Variants in COL16A1 observed in about 807,000 individuals in gnomAD.
COL16A1 encodes the protein collagen alpha-1(XVI) chain.
COL16A1 carries 189 observed loss-of-function variants against 266.3 expected under a neutral mutation model. The observed-to-expected ratio is 0.71, with a 90% confidence interval of 0.63 to 0.80. The LOEUF is 0.80. Among genes scored for constraint, COL16A1 ranks in the 30% least tolerant of loss-of-function variants. The probability of loss-of-function intolerance (pLI) is 0.00; values close to 1 mark genes in which losing one functional copy is unlikely to be tolerated. For synonymous variants in COL16A1, 740 were observed against 782.3 expected (o/e 0.95, Z 0.90); for missense variants, 1,928 against 2,122.4 (o/e 0.91, Z 1.80).
Position 31,681,014 on chromosome 1 carries a change from T to G in COL16A1, c.2583+9A>C, listed in dbSNP as rs766352731. 4 of 1,613,726 alleles carry G rather than the reference T, an allele frequency of 2.5e-6. No individual in the cohort carries two copies. In the African/African-American group the frequency reaches 5.3e-5, roughly 22 times the overall value. ...ATGGCTTCCTGCTGCCCCAAGGCAC[T>G]GTACTCACTGGTGTTCCTCTGAGTC... On this transcript the variant is annotated intron_variant, in intron 38 of 70. Transcript: ENST00000373672.
Position 31,675,305 on chromosome 1 carries a change from G to A in COL16A1, c.2779C>T (p.Pro927Ser), listed in dbSNP as rs563113666. ...PPGVPGLQGV[P>S]GNNGLPGQPG... is the part of the protein sequence containing the mutation. ...TGTCCTGGCAAACCGTTGTTTCCAG[G>A]CACTCCCTGTAGCCAAGAAGAGACA... The change falls in exon 43 of 71, where the codon CCT (proline) becomes TCT (serine). Residue 927 changes from proline (P) to serine (S), a missense_variant. Physicochemically the swap from Pro to Ser is moderately conservative, Grantham distance 74 (BLOSUM62 -1). Around this residue, in one of 2 missense-constraint regions of COL16A1, gnomAD observed 1,552 missense variants for 1,637.2 expected, o/e 0.95. Transcript: ENST00000373672. 66 of 1,613,804 alleles carry A rather than the reference G, an allele frequency of 4.1e-5. No homozygotes were observed. The highest frequency in any genetic ancestry group is 5.2e-5 in the Non-Finnish European group (61 of 1,179,962).
At chr1:31,692,923 G>A (rs1429698674) in intron 13 of COL16A1, 115 bp from the exon 14 acceptor site, 6 of 1,110,676 alleles carry the variant, frequency 5.4e-6, no homozygotes, top group African/African-American at 4.7e-5. Context: ...TAGAAAAGGG[G>A]GGCTTCTACA....
chr1:31,702,025 G>T, intron 2 of COL16A1, 96 bp downstream of exon 2: 1 of 1,585,530 alleles, frequency 6.3e-7, no homozygotes, highest in South Asian at 1.1e-5. Context: ...CTGCCCACAC[G>T]ACCACACATA....
chr1:31,655,295 T>C lies in COL16A1; in HGVS notation c.4290+19A>G, dbSNP rs1641028337. On this transcript the variant is annotated intron_variant, in intron 67 of 70. Transcript: ENST00000373672. ...TGCTCTATGGGACAGTGCCCACAGCTGCCAGCCTTCCCCCTTACCATGGAG... is the reference window on the plus strand; with the variant it reads ...TGCTCTATGGGACAGTGCCCACAGCCGCCAGCCTTCCCCCTTACCATGGAG... 1.2e-6 allele frequency: 2 copies of C among 1,608,016 alleles called. No individual in the cohort carries two copies. Among genetic ancestry groups the C allele is most frequent in the Non-Finnish European group, 1.7e-6 (2 of 1,177,074 alleles).
rs746236347 is a variant in COL16A1 at position 31,688,936 on chromosome 1, C to G, written c.1692G>C (p.Gly564=). ...CTGTGGAGGACACAAGATGCTGGGCCCCTACAACCGAGCTGCAGGACAAGC... is the reference window on the plus strand; with the variant it reads ...CTGTGGAGGACACAAGATGCTGGGCGCCTACAACCGAGCTGCAGGACAAGC... ...EPCLSCSSVV[G]AQHLVSSTGA... is the part of the protein sequence containing the mutation. Residue 564 remains glycine, a synonymous_variant, in exon 25 of 71, where the codon GGG becomes GGC. Coordinates refer to ENST00000373672, the MANE Select transcript of COL16A1 (RefSeq NM_001856.4). This position sits in a 1 kb window ranked among gnomAD's most constrained non-coding sequence, Gnocchi z 4.9. 6.2e-7 allele frequency: 1 copy of G among 1,614,148 alleles called. No homozygotes were observed. The highest frequency in any genetic ancestry group is 8.5e-7 in the Non-Finnish European group (1 of 1,180,020).
chr1:31,655,895 A>G (rs1279268905), intron 66 of COL16A1: 1 of 281,082 alleles, frequency 3.6e-6, no homozygotes, highest in African/African-American at 2.3e-5. Context: ...CCTTCCCCTC[A>G]TCTCTCTCTA....
intron 4 of COL16A1, 116 bp downstream of exon 4, chr1:31,699,697 G>A: frequency 2.8e-6 from 2 of 726,358 alleles, no homozygotes; most frequent in South Asian, 3.3e-5. Context: ...TCCTGGCAGG[G>A]GCTGGGATGC....
chr1:31,699,570 G>A (rs1449194915), intron 4 of COL16A1, among the ~76,000 whole-genome samples: 2 of 152,218 alleles, frequency 1.3e-5, no homozygotes, highest in Non-Finnish European at 2.9e-5. Context: ...GTGCCCACAG[G>A]ATGCAGACCT....
At chr1:31,666,114 C>T (rs929905910) in intron 52 of COL16A1, 33 bp from the exon 53 acceptor site, 3 of 1,598,036 alleles carry the variant, frequency 1.9e-6, no homozygotes, top group Middle Eastern at 1.7e-4. Context: ...TCAGTCACTC[C>T]TCCTGGGGAG....
At chr1:31,700,208 A>G in intron 2 of COL16A1, 93 bp from the exon 3 acceptor site, 1 of 1,147,460 alleles carries the variant, frequency 8.7e-7, no homozygotes, top group Admixed American at 1.8e-5. Context: ...GAGCAAGTTT[A>G]TAGTCCTCAC....
chr1:31,692,380 C>A, intron 16 of COL16A1, 94 bp downstream of exon 16: 3 of 1,506,106 alleles, frequency 2.0e-6, no homozygotes, highest in Non-Finnish European at 2.7e-6. Context: ...CCCACTGACA[C>A]CCTCTCCTCA....
At chr1:31,672,905 GA>G in intron 44 of COL16A1, 65 bp from the exon 45 acceptor site, 1 of 1,468,098 alleles carries the variant, frequency 6.8e-7, no homozygotes, top group Non-Finnish European at 9.4e-7. Flanking sequence ...GCCAACTGGG[GA>G]GCCCCAGTGA....
At position 31,688,863 on chromosome 1, in the gene COL16A1, G is replaced by A; in HGVS notation, c.1765C>T (p.Pro589Ser). 2.5e-6 allele frequency: 4 copies of A among 1,613,332 alleles called. No homozygotes were observed. Among genetic ancestry groups the A allele is most frequent in the Non-Finnish European group, 3.4e-6 (4 of 1,179,586 alleles). Reference protein sequence around the residue: ...GSPGFGLPGLPGRAGVPGLKG... With the variant: ...GSPGFGLPGLSGRAGVPGLKG... Reference sequence around the variant, plus strand: ...GCTGGGAGAAAGTCGTCACTCACCGGAAGGCCAGGCAGACCAAAGCCAGGG... The same window carrying A: ...GCTGGGAGAAAGTCGTCACTCACCGAAAGGCCAGGCAGACCAAAGCCAGGG... The change falls in exon 25 of 71, where the codon CCG (proline) becomes TCG (serine). Residue 589 changes from proline to serine, a missense_variant and splice_region_variant. Pro to Ser is a moderately conservative substitution (Grantham distance 74). Coordinates refer to ENST00000373672, the MANE Select transcript of COL16A1 (RefSeq NM_001856.4). The surrounding 1 kb of genome is among the most constrained non-coding windows in gnomAD (Gnocchi z 4.9).
In COL16A1 at chr1:31,670,539, G is replaced by C; in HGVS notation, c.3195+63C>G. ...TGAAGGCACGACAGGAGGGAGACAA[G>C]CAAAAGCCACAGAGACCTGGCTGAC... is the stretch of plus-strand genomic sequence containing the variant. On this transcript the variant is annotated intron_variant, in intron 49 of 70. Coordinates refer to ENST00000373672, the MANE Select transcript of COL16A1 (RefSeq NM_001856.4). This position sits in a 1 kb window ranked among gnomAD's most constrained non-coding sequence, Gnocchi z 4.5. 7.5e-7 allele frequency: 1 copy of C among 1,329,338 alleles called. No homozygotes were observed. Among genetic ancestry groups the C allele is most frequent in the African/African-American group, 1.5e-5 (1 of 65,092 alleles). The allele number at this position is 1,329,338 out of a possible 1,614,324, so 82.3% of individuals were successfully genotyped here. A position where few individuals can be genotyped will look rare whatever the true frequency, so the allele number is the denominator to read the frequency against.
Position 31,693,166 on chromosome 1 carries a change from ACCAGAAT to A in COL16A1, c.1009-19_1009-13del. 1 of 1,590,642 alleles carries A rather than the reference ACCAGAAT, an allele frequency of 6.3e-7. No homozygotes were observed. Among genetic ancestry groups the A allele is most frequent in the Non-Finnish European group, 8.6e-7 (1 of 1,158,956 alleles). On this transcript the variant is annotated splice_polypyrimidine_tract_variant and intron_variant, in intron 12 of 70. Transcript: ENST00000373672. ...TCACCTTTCCCTCCCTGAGAGTGAAACCAGAATGGAAGATAGGACCAGAGGGGGCACA... is the reference window on the plus strand; with the variant it reads ...TCACCTTTCCCTCCCTGAGAGTGAAAGGAAGATAGGACCAGAGGGGGCACA...
Position 31,699,882 on chromosome 1 carries a change from T to C in COL16A1, c.197A>G (p.Lys66Arg). 2 of 1,614,106 alleles carry C rather than the reference T, an allele frequency of 1.2e-6. No individual in the cohort carries two copies. Among genetic ancestry groups the C allele is most frequent in the Non-Finnish European group, 8.5e-7 (1 of 1,179,986 alleles). The change falls in exon 4 of 71, where the codon AAG becomes AGG. Residue 66 changes from lysine to arginine, a missense_variant. By Grantham distance (26) the Lys-to-Arg change is conservative. Transcript: ENST00000373672. ...AGGCCCCTTGGGGTTGCGGATCTTC[T>C]TGATGGCAGACGTCTTCATGAGGCT... is the stretch of plus-strand genomic sequence containing the variant. Reference protein sequence around the residue: ...RLSLMKTSAIKKIRNPKGPLI... With the variant: ...RLSLMKTSAIRKIRNPKGPLI...
chr1:31,691,167 C>T (rs376017388), intron 20 of COL16A1, 21 bp downstream of exon 20: 1 of 1,612,102 alleles, frequency 6.2e-7, no homozygotes, highest in African/African-American at 1.3e-5. Context: ...CCCACGTGAC[C>T]ACACTCCCAC....
In COL16A1 at chr1:31,656,228, T is replaced by G. The variant is rs1570335503; in HGVS notation, c.4101+172A>C. On this transcript the variant is annotated intron_variant, in intron 66 of 70. Coordinates refer to ENST00000373672, the MANE Select transcript of COL16A1 (RefSeq NM_001856.4). The surrounding 1 kb of genome is among the most constrained non-coding windows in gnomAD (Gnocchi z 4.2). ...AGATTTCCTTCCCCCCAACCACAGC[T>G]AATGACCCCATGTGAGAAATTTTCA... is the stretch of plus-strand genomic sequence containing the variant. The G allele has an allele frequency of 9.8e-7, 1 of 1,022,314 alleles. No homozygotes were observed. The highest frequency in any genetic ancestry group is 2.7e-5 in the East Asian group (1 of 37,172). The allele number at this position is 1,022,314 out of a possible 1,614,324, so 63.3% of individuals were successfully genotyped here.
chr1:31,692,442 G>A (rs1644314082), intron 16 of COL16A1, 32 bp downstream of exon 16: 1 of 1,598,658 alleles, frequency 6.3e-7, no homozygotes. Flanking sequence ...AGACCTCCCT[G>A]GAAATCCCCC....
Sources: gnomAD v4.1 joint callset for allele counts (sites outside exome capture counted in the v4.1 genomes callset) on GRCh38, gnomAD v4.1.1 for gene constraint, gnomAD v4.1.1 regional missense constraint, Gnocchi (gnomAD v3.1) non-coding constraint, MANE v1.5 for transcripts, NCBI Gene and HGNC (gene_info 2026-07-23, HGNC 2026-07-21) for gene names.